SCRN1: variants seen among roughly 807,000 people sequenced by gnomAD.
SCRN1 encodes the protein secernin 1.
SCRN1 carries 19 observed loss-of-function variants against 43.3 expected under a neutral mutation model. The observed-to-expected ratio is 0.44, with a 90% CI of 0.31 to 0.64. The LOEUF (loss-of-function observed/expected upper bound fraction) is 0.64, where lower values mean the gene tolerates loss of function less well. Ranked by LOEUF, SCRN1 falls within the 30% of genes least tolerant of loss-of-function variation. The probability of loss-of-function intolerance (pLI) is 0.09; values close to 1 mark genes in which losing one functional copy is unlikely to be tolerated. For missense variants in SCRN1, 447 were observed against 524.1 expected (o/e 0.85, Z 1.44); for synonymous variants, 183 against 188.9 (o/e 0.97, Z 0.26).
At chr7:29,939,527 T>C (rs1033372773) in intron 5 of SCRN1, among the ~76,000 whole-genome samples, 10 of 152,202 alleles carry the variant, frequency 6.6e-5, no homozygotes, top group African/African-American at 2.4e-4. Context: ...ATATTTTAGG[T>C]TTATGGGCCA....
rs1485542581 is a variant in SCRN1 at position 29,936,643 on chromosome 7, A to T, written c.818T>A (p.Leu273His). Residue 273 changes from leucine (L) to histidine (H), a missense_variant, in exon 6 of 8, where the codon CTC becomes CAC. By Grantham distance (99) the Leu-to-His change is moderately conservative. Coordinates refer to ENST00000242059, the MANE Select transcript of SCRN1 (RefSeq NM_014766.5). ...GACAGACACTCCACTGGCTGTGGTG[A>T]GGAAAAACTCAGAGTCTATGCACAC... ...SGVCIDSEFFLTTASGVSVLP... is the reference protein window; with the variant it reads ...SGVCIDSEFFHTTASGVSVLP... The T allele has an allele frequency of 3.1e-6, 5 of 1,607,940 alleles. No individual in the cohort carries two copies. In the Admixed American group the frequency reaches 5.0e-5, roughly 16 times the overall value.
At chr7:29,969,340 G>A (rs1788596561) in intron 1 of SCRN1, 2 of 448,660 alleles carry the variant, frequency 4.5e-6, no homozygotes, top group East Asian at 3.9e-5. Flanking sequence ...CAGTGATGTG[G>A]GAGAAAGGAA....
At chr7:29,960,900 A>C (rs1219991675) in intron 2 of SCRN1, among the ~76,000 whole-genome samples, 1 of 152,026 alleles carries the variant, frequency 6.6e-6, no homozygotes, top group Non-Finnish European at 1.5e-5. Context: ...TATCCATCCT[A>C]CTCTGCAACC....
intron 3 of SCRN1, among the ~76,000 whole-genome samples, chr7:29,953,231 T>C (rs1248447683): frequency 6.6e-6 from 1 of 152,264 alleles, no homozygotes; most frequent in African/African-American, 2.4e-5. Flanking sequence ...TATCTTCTTA[T>C]ATTATTCTTA....
At chr7:29,982,682 C>CAAAA (rs10538004) in intron 1 of SCRN1, among the ~76,000 whole-genome samples, 20 of 64,736 alleles carry the variant, frequency 3.1e-4, no homozygotes, top group African/African-American at 6.3e-4. Flanking sequence ...GACCCTGTCT[C>CAAAA]AAAAAAAAAA....
At chr7:29,941,377 C>T (rs181840694) in intron 4 of SCRN1, among the ~76,000 whole-genome samples, 1 of 152,318 alleles carries the variant, frequency 6.6e-6, no homozygotes, top group Admixed American at 6.5e-5. Flanking sequence ...CACCCCTACT[C>T]CTTGGCCAAA....
rs1787123240 is a variant in SCRN1 at position 29,930,562 on chromosome 7, CACCTG to C, written c.906-3935_906-3931del. Among the ~76,000 whole-genome samples, 3 of 152,352 alleles carry C rather than the reference CACCTG, an allele frequency of 2.0e-5. No individual in the cohort carries two copies. The South Asian group carries it at 6.2e-4, about 32-fold the overall frequency. On this transcript the variant is annotated intron_variant, in intron 6 of 7. Transcript: ENST00000242059. ...CAGATACACCCAACCGTGTCCAGCC[CACCTG>C]ACCAGGATGAGGCCCATTTCATCAC...
chr7:29,972,753 G>A (rs1348880685), intron 1 of SCRN1, among the ~76,000 whole-genome samples: 1 of 152,132 alleles, frequency 6.6e-6, no homozygotes, highest in Non-Finnish European at 1.5e-5. Flanking sequence ...TTTCTGAAAA[G>A]AAAATTTTCT....
chr7:29,932,174 A>G (rs1787176863), intron 6 of SCRN1, among the ~76,000 whole-genome samples: 2 of 152,132 alleles, frequency 1.3e-5, no homozygotes, highest in Non-Finnish European at 2.9e-5. Flanking sequence ...TGGTGTTGGA[A>G]GAATTCAGAA....
chr7:29,959,888 A>C (rs1788249765), intron 2 of SCRN1, among the ~76,000 whole-genome samples: 1 of 151,080 alleles, frequency 6.6e-6, no homozygotes, highest in Non-Finnish European at 1.5e-5. Flanking sequence ...AAGACTGGGG[A>C]CTCCTGATTC....
chr7:29,947,449 C>A, intron 3 of SCRN1: 1 of 1,231,952 alleles, frequency 8.1e-7, no homozygotes, highest in Non-Finnish European at 1.1e-6. Context: ...TATCTCAAAT[C>A]AGGTAAAACT....
At chr7:29,928,131 A>G (rs963167723) in intron 6 of SCRN1, among the ~76,000 whole-genome samples, 1 of 152,108 alleles carries the variant, frequency 6.6e-6, no homozygotes, top group African/African-American at 2.4e-5. Flanking sequence ...TCAAAAACAA[A>G]CAAACAGACA....
intron 2 of SCRN1, among the ~76,000 whole-genome samples, chr7:29,962,347 C>T (rs1788352846): frequency 6.6e-6 from 1 of 150,956 alleles, no homozygotes; most frequent in Non-Finnish European, 1.5e-5. Flanking sequence ...GACCTCAACA[C>T]TCAAGTATGA....
intron 2 of SCRN1, among the ~76,000 whole-genome samples, chr7:29,967,766 G>A (rs1348079566): frequency 6.6e-6 from 1 of 152,132 alleles, no homozygotes; most frequent in African/African-American, 2.4e-5. Context: ...CAATCTCTAT[G>A]TGCAAGTGAT....
intron 2 of SCRN1, among the ~76,000 whole-genome samples, chr7:29,955,852 G>A (rs1788119990): frequency 6.6e-6 from 1 of 152,220 alleles, no homozygotes; most frequent in African/African-American, 2.4e-5. Flanking sequence ...AACCTACATG[G>A]TTGCTCTAGT....
chr7:29,954,825 C>T (rs1183421410), intron 3 of SCRN1, among the ~76,000 whole-genome samples: 4 of 152,072 alleles, frequency 2.6e-5, no homozygotes, highest in Admixed American at 6.5e-5. Context: ...GGATTATAGG[C>T]GCCTAGCACC....
At chr7:29,926,742 G>T in intron 6 of SCRN1, 110 bp from the exon 7 acceptor site, 1 of 781,978 alleles carries the variant, frequency 1.3e-6, no homozygotes, top group Non-Finnish European at 1.9e-6. Flanking sequence ...ATGGTGGGTG[G>T]TGGGTGTGGG....
intron 2 of SCRN1, among the ~76,000 whole-genome samples, chr7:29,961,621 GC>G (rs1583681555): frequency 6.6e-6 from 1 of 151,732 alleles, no homozygotes; most frequent in African/African-American, 2.4e-5. Context: ...GGGCAGAGGG[GC>G]TCCTCACTTC....
At chr7:29,963,044 TAAAAA>T in intron 2 of SCRN1, among the ~76,000 whole-genome samples, 1 of 140,450 alleles carries the variant, frequency 7.1e-6, no homozygotes, top group South Asian at 2.3e-4. Flanking sequence ...GTCAATTCTT[TAAAAA>T]AAAAAAAAAA....
Sources: gnomAD v4.1 joint callset for allele counts (sites outside exome capture counted in the v4.1 genomes callset) on GRCh38, gnomAD v4.1.1 for gene constraint, MANE v1.5 for transcripts, NCBI Gene and HGNC (gene_info 2026-07-23, HGNC 2026-07-21) for gene names.